Variants in CTNNA2 observed in about 807,000 individuals in gnomAD.
The protein encoded by CTNNA2 is catenin alpha-2.
CTNNA2 carries 42 observed loss-of-function variants against 101.0 expected under a neutral mutation model. That is an observed-to-expected ratio of 0.42 (90% confidence interval 0.32 to 0.54). The LOEUF (loss-of-function observed/expected upper bound fraction) is 0.54, where lower values mean the gene tolerates loss of function less well. Ranked by LOEUF, CTNNA2 falls within the 20% of genes least tolerant of loss-of-function variation. The probability of loss-of-function intolerance (pLI) is 0.14; values close to 1 mark genes in which losing one functional copy is unlikely to be tolerated. For synonymous variants in CTNNA2, 450 were observed against 456.4 expected (o/e 0.99, Z 0.18); for missense variants, 871 against 1,223.1 (o/e 0.71, Z 4.29).
chr2:79,271,749 C>T (rs1357975713), intron 2 of CTNNA2, among the ~76,000 whole-genome samples: 1 of 151,964 alleles, frequency 6.6e-6, no homozygotes, highest in Non-Finnish European at 1.5e-5. Flanking sequence ...TTGAAGTTTC[C>T]CCAGTAAGAG....
intron 7 of CTNNA2, among the ~76,000 whole-genome samples, chr2:79,956,182 C>T (rs2104511899): frequency 6.6e-6 from 1 of 152,158 alleles, no homozygotes; most frequent in South Asian, 2.1e-4. Flanking sequence ...CTGACTCATC[C>T]AAAGCAACTC....
chr2:79,913,204 G>A (rs1685933903), intron 7 of CTNNA2, among the ~76,000 whole-genome samples: 1 of 152,204 alleles, frequency 6.6e-6, no homozygotes, highest in South Asian at 2.1e-4. Flanking sequence ...ACGCTGGGTA[G>A]TACTGAAGTT....
At chr2:80,145,317 T>C (rs1166560261) in intron 7 of CTNNA2, among the ~76,000 whole-genome samples, 1 of 152,118 alleles carries the variant, frequency 6.6e-6, no homozygotes, top group African/African-American at 2.4e-5. Flanking sequence ...AGCATTTTTC[T>C]CCCCAGTCAT....
intron 3 of CTNNA2, among the ~76,000 whole-genome samples, chr2:79,838,787 T>C (rs1211911602): frequency 6.6e-6 from 1 of 152,046 alleles, no homozygotes; most frequent in Non-Finnish European, 1.5e-5. Context: ...ATTGAATTAG[T>C]AGTACTTTAC....
At chr2:79,235,846 G>C (rs942002821) in intron 2 of CTNNA2, among the ~76,000 whole-genome samples, 1 of 152,336 alleles carries the variant, frequency 6.6e-6, no homozygotes, top group South Asian at 2.1e-4. Flanking sequence ...AGCTCTAGCA[G>C]GTGTGACCCA....
At chr2:80,006,359 T>TAAAAAAA (rs5832428) in intron 7 of CTNNA2, among the ~76,000 whole-genome samples, 1 of 139,052 alleles carries the variant, frequency 7.2e-6, no homozygotes, top group Non-Finnish European at 1.5e-5. Context: ...AGAAGTGCAG[T>TAAAAAAA]AAAAAAAAAA....
At chr2:80,130,842 G>A (rs1224884603) in intron 7 of CTNNA2, among the ~76,000 whole-genome samples, 1 of 151,340 alleles carries the variant, frequency 6.6e-6, no homozygotes, top group Non-Finnish European at 1.5e-5. Flanking sequence ...GATAAATAGG[G>A]GATGGAAATA....
intron 2 of CTNNA2, among the ~76,000 whole-genome samples, chr2:79,257,821 A>G (rs1034374787): frequency 6.6e-6 from 1 of 152,006 alleles, no homozygotes; most frequent in Non-Finnish European, 1.5e-5. Flanking sequence ...AAAAAGAAGA[A>G]GAAATTTATT....
Position 80,470,070 on chromosome 2 carries a change from G to A in CTNNA2, c.1290+50469G>A, listed in dbSNP as rs531669233. 2.1e-4 allele frequency among the ~76,000 whole-genome samples: 32 copies of A among 152,262 alleles called. No individual in the cohort carries two copies. The South Asian group carries it at 6.6e-3, about 32-fold the overall frequency. On this transcript the variant is annotated intron_variant, in intron 9 of 18. Transcript: ENST00000402739. ...AGCATTCCTTTACCCGTGCGGGGGAGAGAAGCATTGGGGCCAAGGGAGCAT... is the reference window on the plus strand; with the variant it reads ...AGCATTCCTTTACCCGTGCGGGGGAAAGAAGCATTGGGGCCAAGGGAGCAT...
chr2:80,106,194 A>G (rs1390682726), intron 7 of CTNNA2, among the ~76,000 whole-genome samples: 1 of 152,124 alleles, frequency 6.6e-6, no homozygotes, highest in Non-Finnish European at 1.5e-5. Context: ...ACACACGTCA[A>G]ATGTATAGGA....
At chr2:79,317,867 C>T (rs948605604) in intron 3 of CTNNA2, among the ~76,000 whole-genome samples, 86 of 152,048 alleles carry the variant, frequency 5.7e-4, no homozygotes, top group African/African-American at 1.7e-3. Flanking sequence ...GGAATAAACA[C>T]ATTTATCAAT....
intron 11 of CTNNA2, among the ~76,000 whole-genome samples, chr2:80,551,447 T>C (rs904683481): frequency 6.6e-6 from 1 of 152,238 alleles, no homozygotes; most frequent in African/African-American, 2.4e-5. Context: ...GAAGGCTGTC[T>C]TGTCAACATT....
intron 2 of CTNNA2, among the ~76,000 whole-genome samples, chr2:79,267,356 G>T (rs946780653): frequency 2.6e-5 from 4 of 151,588 alleles, no homozygotes; most frequent in African/African-American, 7.3e-5. Context: ...CATGCTATCT[G>T]GTTCATAGAT....
chr2:80,399,702 C>CT (rs772803464), intron 8 of CTNNA2, among the ~76,000 whole-genome samples: 2 of 152,178 alleles, frequency 1.3e-5, no homozygotes, highest in Non-Finnish European at 2.9e-5. Context: ...CAGATAATGT[C>CT]TGTGTTTGGT....
At chr2:80,572,056 G>A (rs1260095072) in intron 12 of CTNNA2, among the ~76,000 whole-genome samples, 3 of 151,948 alleles carry the variant, frequency 2.0e-5, no homozygotes, top group Admixed American at 6.6e-5. Flanking sequence ...CAAATCACAG[G>A]GAGTGGATTT....
chr2:80,224,011 G>T (rs1708725231), intron 7 of CTNNA2, among the ~76,000 whole-genome samples: 1 of 152,158 alleles, frequency 6.6e-6, no homozygotes, highest in South Asian at 2.1e-4. Context: ...GGCACTCAGT[G>T]CTCTTAGATG....
At chr2:80,597,811 A>G (rs1375870924) in intron 15 of CTNNA2, among the ~76,000 whole-genome samples, 1 of 152,224 alleles carries the variant, frequency 6.6e-6, no homozygotes, top group Non-Finnish European at 1.5e-5. Flanking sequence ...TTAAAAAGTC[A>G]GGAAACAATA....
chr2:79,222,075 T>A (rs976959634), intron 2 of CTNNA2, among the ~76,000 whole-genome samples: 1 of 151,914 alleles, frequency 6.6e-6, no homozygotes, highest in Non-Finnish European at 1.5e-5. Flanking sequence ...CAGGAGAGAG[T>A]TCTCAGAACT....
chr2:80,608,423 A>G lies in CTNNA2; in HGVS notation c.2430+105A>G, dbSNP rs144822260. ...TAAAAACACCAAACTACAGTGATTT[A>G]TAGGGAGGGCTTTTTTTAAATAAAT... On this transcript the variant is annotated intron_variant, in intron 17 of 18. Transcript: ENST00000402739. 1,682 of 1,201,446 alleles carry G rather than the reference A, an allele frequency of 1.4e-3. 4 individuals carry two copies. Among genetic ancestry groups the G allele is most frequent in the Admixed American group, 2.6e-3 (109 of 41,250 alleles). 74.4% of individuals were successfully genotyped at this position (1,201,446 alleles called of 1,614,324 possible).
Sources: allele counts gnomAD v4.1 joint callset (sites outside exome capture counted in the v4.1 genomes callset), GRCh38; gene constraint gnomAD v4.1.1; transcripts MANE v1.5; gene names NCBI Gene and HGNC (gene_info 2026-07-23, HGNC 2026-07-21).